The following NOMO3 variants were observed in gnomAD, a reference collection of about 807,000 sequenced individuals.
NOMO3 encodes NODAL modulator 3, also known as BOS complex subunit NOMO3.
In NOMO3, 15 loss-of-function variants were observed where a neutral mutation model predicts 69.9. The observed-to-expected ratio is 0.21, with a 90% CI of 0.14 to 0.33. The LOEUF (loss-of-function observed/expected upper bound fraction) is 0.33. NOMO3 is among the 10% of genes least tolerant of loss of function. The probability of loss-of-function intolerance (pLI) is 1.00; values close to 1 mark genes in which losing one functional copy is unlikely to be tolerated. For missense variants in NOMO3, 218 were observed against 761.0 expected (o/e 0.29, Z 8.39); for synonymous variants, 89 against 301.9 (o/e 0.29, Z 7.31).
chr16:16,263,595 C>T lies in NOMO3; in HGVS notation c.1620C>T (p.Val540=). The change falls in exon 14 of 31, where the codon GTC becomes GTT. Residue 540 remains valine, a synonymous_variant. Coordinates refer to ENST00000399336, the MANE Select transcript of NOMO3 (RefSeq NM_001004067.4). ...EKRSLQLSGK[V]NAMTFTFDNV... Reference sequence around the variant, plus strand: ...GGAGCCTCCAGCTCTCCGGCAAGGTCAACGCCATGACTTTCACCTTTGACA... The same window carrying T: ...GGAGCCTCCAGCTCTCCGGCAAGGTTAACGCCATGACTTTCACCTTTGACA... 7.9e-6 allele frequency: 6 copies of T among 760,870 alleles called. No individual in the cohort carries two copies. The allele number at this position is 760,870 out of a possible 1,614,324, so 47.1% of individuals were successfully genotyped here.
intron 15 of NOMO3, among the ~76,000 whole-genome samples, chr16:16,265,668 A>T (rs1169331877): frequency 4.1e-3 from 102 of 24,778 alleles, no homozygotes; most frequent in Non-Finnish European, 5.1e-3. Flanking sequence ...ATATATATAT[A>T]TATTTTTTTT....
Position 16,263,062 on chromosome 16 carries a change from A to G in NOMO3, c.1396-12A>G. ...GAATGCAGCCTCTAACGTTCCATCC[A>G]CGTTTCCGCAGGTGATGGTTCCTGA... On this transcript the variant is annotated splice_polypyrimidine_tract_variant and intron_variant, in intron 12 of 30. Coordinates refer to ENST00000399336, the MANE Select transcript of NOMO3 (RefSeq NM_001004067.4). 1 of 1,594,892 alleles carries G rather than the reference A, an allele frequency of 6.3e-7. No homozygotes were observed. Among genetic ancestry groups the G allele is most frequent in the Admixed American group, 1.7e-5 (1 of 58,966 alleles).
At chr16:16,237,606 T>C (rs1871785437) in intron 2 of NOMO3, among the ~76,000 whole-genome samples, 1 of 142,328 alleles carries the variant, frequency 7.0e-6, no homozygotes, top group Admixed American at 6.8e-5. Context: ...TGGAGTGCAG[T>C]GGTGTGATCT....
intron 16 of NOMO3, among the ~76,000 whole-genome samples, chr16:16,268,822 GA>G (rs1417968560): frequency 3.5e-5 from 5 of 143,948 alleles, no homozygotes; most frequent in African/African-American, 1.1e-4. Context: ...GCTGTGGTTA[GA>G]AAACTTATGT....
At position 16,243,988 on chromosome 16, in the gene NOMO3, A is replaced by G. The variant is rs936292357; in HGVS notation, c.402+727A>G. ...CTGACACTTACGTAGGAGGATTCCT[A>G]TTATTTAAGTTCTGAGATTTTTTTG... On this transcript the variant is annotated intron_variant, in intron 4 of 30. Coordinates refer to ENST00000399336, the MANE Select transcript of NOMO3 (RefSeq NM_001004067.4). Among the ~76,000 whole-genome samples the G allele has an allele frequency of 4.9e-5, 7 of 143,882 alleles. 1 individual carries two copies. Among genetic ancestry groups the G allele is most frequent in the African/African-American group, 2.0e-4 (7 of 35,644 alleles). The allele number at this position is 143,882 out of a possible 152,430, so 94.4% of individuals were successfully genotyped here.
chr16:16,248,948 T>G (rs1359130280), intron 6 of NOMO3, among the ~76,000 whole-genome samples: 6 of 147,202 alleles, frequency 4.1e-5, no homozygotes, highest in African/African-American at 1.5e-4. Context: ...AGCATATCTT[T>G]TTTTGTTTGA....
At chr16:16,263,491 C>A (rs1460283031) in intron 13 of NOMO3, 22 bp from the exon 14 acceptor site, 3 of 1,042,042 alleles carry the variant, frequency 2.9e-6, no homozygotes, top group Non-Finnish European at 4.0e-6. Context: ...TCACATGGAG[C>A]CCTCCCTTCT....
At chr16:16,234,013 A>AGG (rs1400064549) in intron 1 of NOMO3, among the ~76,000 whole-genome samples, 2 of 150,014 alleles carry the variant, frequency 1.3e-5, no homozygotes, top group African/African-American at 4.9e-5. Flanking sequence ...GGAACCCAGC[A>AGG]GATACATTTC....
At position 16,261,363 on chromosome 16, in the gene NOMO3, T is replaced by G. The variant is rs1471377509; in HGVS notation, c.1221-139T>G. On this transcript the variant is annotated intron_variant, in intron 11 of 30. Coordinates refer to ENST00000399336, the MANE Select transcript of NOMO3 (RefSeq NM_001004067.4). Reference sequence around the variant, plus strand: ...CTTTTTAAAACCAGAATCATCTGGATTGCATTCTGTCTCTTCATTAAGATT... The same window carrying G: ...CTTTTTAAAACCAGAATCATCTGGAGTGCATTCTGTCTCTTCATTAAGATT... The G allele has an allele frequency of 1.4e-6, 2 of 1,407,672 alleles. 1 individual carries two copies. The allele number at this position is 1,407,672 out of a possible 1,614,324, so 87.2% of individuals were successfully genotyped here. A position where few individuals can be genotyped will look rare whatever the true frequency, so the allele number is the denominator to read the frequency against.
At chr16:16,237,724 A>G (rs1217514089) in intron 2 of NOMO3, among the ~76,000 whole-genome samples, 1 of 143,338 alleles carries the variant, frequency 7.0e-6, no homozygotes, top group Non-Finnish European at 1.5e-5. Context: ...AATGTTTTGT[A>G]TTTTTAATAG....
At chr16:16,245,291 C>G in intron 5 of NOMO3, 117 bp downstream of exon 5, 1 of 1,538,350 alleles carries the variant, frequency 6.5e-7, no homozygotes, top group Non-Finnish European at 8.8e-7. Context: ...GATTCAGCCT[C>G]TTAAGTTTGG....
intron 1 of NOMO3, among the ~76,000 whole-genome samples, chr16:16,235,567 A>T (rs2049319582): frequency 6.9e-6 from 1 of 145,738 alleles, no homozygotes; most frequent in Admixed American, 6.7e-5. Context: ...CTCAGGCTGG[A>T]GTATAGTGGC....
At position 16,255,617 on chromosome 16, in the gene NOMO3, G is replaced by C. The variant is rs533233344; in HGVS notation, c.964-103G>C. ...GGGCACTGAGTGTTGGGAGGTGGGC[G>C]GCAGGAGCAGACATGGTAGGTGGTG... On this transcript the variant is annotated intron_variant, in intron 9 of 30. Coordinates refer to ENST00000399336, the MANE Select transcript of NOMO3 (RefSeq NM_001004067.4). 3 of 672,148 alleles carry C rather than the reference G, an allele frequency of 4.5e-6. No individual in the cohort carries two copies. The South Asian group carries it at 4.9e-5, about 11-fold the overall frequency. The allele number at this position is 672,148 out of a possible 1,614,324, so 41.6% of individuals were successfully genotyped here. A position where few individuals can be genotyped will look rare whatever the true frequency, so the allele number is the denominator to read the frequency against.
At chr16:16,237,865 G>C (rs944977018) in intron 2 of NOMO3, among the ~76,000 whole-genome samples, 1 of 144,320 alleles carries the variant, frequency 6.9e-6, no homozygotes, top group African/African-American at 2.8e-5. Flanking sequence ...ATAAAATTTT[G>C]ATGTGCATCC....
At chr16:16,258,065 C>T (rs2049530521) in intron 11 of NOMO3, among the ~76,000 whole-genome samples, 1 of 142,010 alleles carries the variant, frequency 7.0e-6, no homozygotes, top group Non-Finnish European at 1.5e-5. Context: ...TAATCCATCC[C>T]AGCACTTTGG....
chr16:16,232,587 G>C lies in NOMO3; in HGVS notation c.-80G>C. The C allele has an allele frequency of 1.3e-6, 1 of 796,992 alleles. No homozygotes were observed. The highest frequency in any genetic ancestry group is 1.7e-6 in the Non-Finnish European group (1 of 586,696). 49.4% of individuals were successfully genotyped at this position (796,992 alleles called of 1,614,324 possible). ...GCCTGGGCTGTCAGCCGGCCTAGGA[G>C]GAGGAAGGAGCCTGCGGCGTGCAGT... On this transcript the variant is annotated 5_prime_UTR_variant, in exon 1 of 31. Coordinates refer to ENST00000399336, the MANE Select transcript of NOMO3 (RefSeq NM_001004067.4).
intron 3 of NOMO3, among the ~76,000 whole-genome samples, chr16:16,240,229 C>T (rs1209215375): frequency 1.4e-5 from 2 of 144,496 alleles, no homozygotes; most frequent in Non-Finnish European, 3.0e-5. Context: ...AGGATGGCTT[C>T]TTTTTTAGCC....
At chr16:16,261,143 G>C in intron 11 of NOMO3, 1 of 310,682 alleles carries the variant, frequency 3.2e-6, no homozygotes, top group Non-Finnish European at 5.8e-6. Context: ...TCAGTCCAAG[G>C]CCGCTCTGCT....
chr16:16,236,562 T>A (rs1246080243), intron 1 of NOMO3, among the ~76,000 whole-genome samples: 1 of 144,856 alleles, frequency 6.9e-6, no homozygotes, highest in Non-Finnish European at 1.5e-5. Flanking sequence ...ATTTGCATGT[T>A]AATAAGCACC....
Sources: gnomAD v4.1 joint callset for allele counts (sites outside exome capture counted in the v4.1 genomes callset) on GRCh38, gnomAD v4.1.1 for gene constraint, MANE v1.5 for transcripts, NCBI Gene and HGNC (gene_info 2026-07-23, HGNC 2026-07-21) for gene names.